TLN2: variants seen among roughly 807,000 people sequenced by gnomAD.
The protein encoded by TLN2 is talin 2, also known as talin-2.
In TLN2, 118 loss-of-function variants were observed where a neutral mutation model predicts 294.7. The observed-to-expected ratio is 0.40, with a 90% CI of 0.34 to 0.47. TLN2 has a LOEUF of 0.47. TLN2 is among the 20% of genes least tolerant of loss of function. The pLI is 0.84. For synonymous variants in TLN2, 1,431 were observed against 1,304.5 expected (o/e 1.10, Z -2.09); for missense variants, 3,083 against 3,282.2 (o/e 0.94, Z 1.48).
chr15:62,549,368 C>G (rs1336201765), intron 1 of TLN2, among the ~76,000 whole-genome samples: 1 of 152,122 alleles, frequency 6.6e-6, no homozygotes, highest in Non-Finnish European at 1.5e-5. Flanking sequence ...TACCTGTACC[C>G]AAGCAGTCCT....
At chr15:62,585,773 T>C (rs1350127948) in intron 1 of TLN2, among the ~76,000 whole-genome samples, 2 of 152,310 alleles carry the variant, frequency 1.3e-5, no homozygotes, top group South Asian at 2.1e-4. Context: ...TCCATATTCA[T>C]AATAGGCATT....
chr15:62,422,610 CCTTCT>C (rs1478892353), intron 1 of TLN2, among the ~76,000 whole-genome samples: 1 of 152,120 alleles, frequency 6.6e-6, no homozygotes, highest in Non-Finnish European at 1.5e-5. Context: ...ACCAGGGATA[CCTTCT>C]CTTAAGAGTG....
chr15:62,619,148 T>C (rs941569776), intron 3 of TLN2, among the ~76,000 whole-genome samples: 1 of 152,090 alleles, frequency 6.6e-6, no homozygotes, highest in Non-Finnish European at 1.5e-5. Flanking sequence ...CTCAAAACAG[T>C]ATATGTTGGC....
chr15:62,458,016 G>A (rs1011832150), intron 1 of TLN2, among the ~76,000 whole-genome samples: 3 of 152,210 alleles, frequency 2.0e-5, no homozygotes, highest in Admixed American at 6.5e-5. Flanking sequence ...AGTTGACAAC[G>A]ACATGATGGT....
At chr15:62,807,180 T>C (rs897393527) in intron 51 of TLN2, among the ~76,000 whole-genome samples, 2 of 152,130 alleles carry the variant, frequency 1.3e-5, no homozygotes, top group Non-Finnish European at 2.9e-5. Context: ...ATATGCTCAG[T>C]GGAGTCCACC....
chr15:62,732,906 A>G (rs1595822363), intron 28 of TLN2, among the ~76,000 whole-genome samples: 1 of 152,190 alleles, frequency 6.6e-6, no homozygotes, highest in South Asian at 2.1e-4. Context: ...GGCACTAGAT[A>G]TATTCCATTT....
Position 62,524,235 on chromosome 15 carries a change from C to G in TLN2, c.-237-65452C>G, listed in dbSNP as rs141450743. ...TTTCAATGCTGGGAAATAAAACTGT[C>G]TTACTGTTCATGTTTAGTTTAGTTC... is the stretch of plus-strand genomic sequence containing the variant. On this transcript the variant is annotated intron_variant, in intron 1 of 58. Transcript: ENST00000636159. Among the ~76,000 whole-genome samples, 68 of 152,306 alleles carry G rather than the reference C, an allele frequency of 4.5e-4. No individual in the cohort carries two copies. The East Asian group carries it at 0.011, about 25-fold the overall frequency.
rs1318458087 is a variant in TLN2, at chr15:62,698,779, G to A, written c.1499G>A (p.Gly500Glu). 1 of 1,611,538 alleles carries A rather than the reference G, an allele frequency of 6.2e-7. No homozygotes were observed. Among genetic ancestry groups the A allele is most frequent in the Non-Finnish European group, 8.5e-7 (1 of 1,179,916 alleles). ...ACCTCAGCCCAGCAGGCCCTGATGG[G>A]GACCATCAACACAAGCATGCACGCC... ...PLTSAQQALM[G>E]TINTSMHAVQ... Residue 500 changes from glycine to glutamate, a missense_variant, in exon 16 of 59, where the codon GGG becomes GAG. Physicochemically the swap from Gly to Glu is moderately conservative, Grantham distance 98. Transcript: ENST00000636159.
chr15:62,629,521 CT>C (rs1297518634), intron 3 of TLN2, among the ~76,000 whole-genome samples: 3 of 152,094 alleles, frequency 2.0e-5, no homozygotes. Flanking sequence ...TTGACCTGCC[CT>C]TTTGTGTTGA....
intron 1 of TLN2, among the ~76,000 whole-genome samples, chr15:62,467,297 G>A (rs1184722432): frequency 2.6e-5 from 4 of 152,188 alleles, no homozygotes; most frequent in Non-Finnish European, 5.9e-5. Flanking sequence ...TCCCAGATAG[G>A]GGTGAAGTGC....
intron 1 of TLN2, among the ~76,000 whole-genome samples, chr15:62,558,877 C>G (rs377306211): frequency 4.6e-5 from 7 of 152,132 alleles, no homozygotes; most frequent in South Asian, 2.1e-4. Flanking sequence ...AACCTTTGTT[C>G]TCCCTGATAA....
In TLN2 at chr15:62,833,540, T is replaced by C. The variant is rs1293826128; in HGVS notation, c.7039T>C (p.Leu2347=). Residue 2347 remains leucine (L), a synonymous_variant, in exon 55 of 59, where the codon TTG becomes CTG. Transcript: ENST00000636159. Reference sequence around the variant, plus strand: ...GACCCTGGACTTTGAGGAACAGATCTTGGAAGCTGCTAAATCCATTGCTGC... The same window carrying C: ...GACCCTGGACTTTGAGGAACAGATCCTGGAAGCTGCTAAATCCATTGCTGC... The part of the protein sequence containing the change: ...DETLDFEEQI[L]EAAKSIAAAT... 2 of 1,614,178 alleles carry C rather than the reference T, an allele frequency of 1.2e-6. No individual in the cohort carries two copies. Among genetic ancestry groups the C allele is most frequent in the Non-Finnish European group, 1.7e-6 (2 of 1,180,024 alleles).
At chr15:62,616,900 A>AG (rs2048357068) in intron 2 of TLN2, among the ~76,000 whole-genome samples, 3 of 152,322 alleles carry the variant, frequency 2.0e-5, no homozygotes, top group Non-Finnish European at 4.4e-5. Context: ...AGCAGTGCAG[A>AG]GATTACATGT....
chr15:62,552,667 T>C (rs1161757755), intron 1 of TLN2, among the ~76,000 whole-genome samples: 1 of 152,242 alleles, frequency 6.6e-6, no homozygotes, highest in African/African-American at 2.4e-5. Context: ...GGAGAAAATA[T>C]GTATGTTAGA....
Position 62,716,392 on chromosome 15 carries a change from G to A in TLN2, c.2696G>A (p.Gly899Asp). Residue 899 changes from glycine (G) to aspartate (D), a missense_variant, in exon 23 of 59, where the codon GGC becomes GAC. By Grantham distance (94) the Gly-to-Asp change is moderately conservative. Coordinates refer to ENST00000636159, the MANE Select transcript of TLN2 (RefSeq NM_015059.3). ...CAAAGGCTGAGAGAAGCTGCAGAAG[G>A]CCTCCGGGTAGCAACCAACGCAGCT... is the stretch of plus-strand genomic sequence containing the variant. ...QQQRLREAAE[G>D]LRVATNAAAQ... The A allele has an allele frequency of 1.2e-6, 2 of 1,611,372 alleles. No homozygotes were observed. The highest frequency in any genetic ancestry group is 1.7e-6 in the Non-Finnish European group (2 of 1,178,848).
chr15:62,465,417 G>A (rs1012127223), intron 1 of TLN2, among the ~76,000 whole-genome samples: 11 of 152,160 alleles, frequency 7.2e-5, no homozygotes, highest in African/African-American at 2.7e-4. Context: ...TATGGAGGCA[G>A]TGAAAACCGT....
chr15:62,412,834 C>T (rs1050225893), intron 1 of TLN2, among the ~76,000 whole-genome samples: 6 of 152,230 alleles, frequency 3.9e-5, no homozygotes, highest in African/African-American at 1.4e-4. Context: ...CGTCCGTGCA[C>T]ATTTCTGAAA....
intron 1 of TLN2, among the ~76,000 whole-genome samples, chr15:62,473,831 C>T (rs747860950): frequency 2.6e-5 from 4 of 152,208 alleles, no homozygotes; most frequent in Non-Finnish European, 5.9e-5. Context: ...TGGTGGCTCA[C>T]GCCTGTAATC....
rs772448730 is a variant in TLN2, at chr15:62,662,822, GTTTTTTTTTT to G, written c.788+4933_788+4942del. On this transcript the variant is annotated intron_variant, in intron 9 of 58. Coordinates refer to ENST00000636159, the MANE Select transcript of TLN2 (RefSeq NM_015059.3). ...TTGGTGTATTTTAGGGATTGAGAGA[GTTTTTTTTTT>G]TTTTTTTTGGAGACAGAGTCTTGCT... 1.8e-5 allele frequency among the ~76,000 whole-genome samples: 2 copies of G among 108,240 alleles called. 1 individual carries two copies. The highest frequency in any genetic ancestry group is 5.8e-4 in the East Asian group (2 of 3,442). The allele number at this position is 108,240 out of a possible 152,430, so 71.0% of individuals were successfully genotyped here.
Sources: gnomAD v4.1 joint callset for allele counts (sites outside exome capture counted in the v4.1 genomes callset) on GRCh38, gnomAD v4.1.1 for gene constraint, MANE v1.5 for transcripts, NCBI Gene and HGNC (gene_info 2026-07-23, HGNC 2026-07-21) for gene names.